The following GABRG3 variants were observed in gnomAD, a reference collection of about 807,000 sequenced individuals.
The protein encoded by GABRG3 is gamma-aminobutyric acid type A receptor subunit gamma3, also known as gamma-aminobutyric acid receptor subunit gamma-3.
In GABRG3, 25 loss-of-function variants were observed where a neutral mutation model predicts 48.8. That is an observed-to-expected ratio of 0.51 (90% confidence interval 0.37 to 0.72). The LOEUF is 0.72. Ranked by LOEUF, GABRG3 falls within the 30% of genes least tolerant of loss-of-function variation. The pLI, the probability that GABRG3 is intolerant of heterozygous loss-of-function variation, is 0.00. For synonymous variants in GABRG3, 227 were observed against 217.6 expected (o/e 1.04, Z -0.38); for missense variants, 394 against 577.9 (o/e 0.68, Z 3.26).
At chr15:27,323,460 A>C (rs907958340) in intron 3 of GABRG3, among the ~76,000 whole-genome samples, 36 of 152,226 alleles carry the variant, frequency 2.4e-4, no homozygotes, top group Admixed American at 2.4e-3. Context: ...TGTTCAAAGA[A>C]AGAAGGGAGT....
chr15:27,516,965 T>A (rs1436557893), intron 6 of GABRG3, among the ~76,000 whole-genome samples: 5 of 152,254 alleles, frequency 3.3e-5, no homozygotes, highest in Admixed American at 2.0e-4. Flanking sequence ...GAAGTCATCT[T>A]CATGGGTCAT....
intron 3 of GABRG3, among the ~76,000 whole-genome samples, chr15:27,169,648 C>G (rs1026177355): frequency 6.6e-6 from 1 of 152,158 alleles, no homozygotes; most frequent in African/African-American, 2.4e-5. Context: ...CTTTAGATAG[C>G]AGCCCTCCCG....
chr15:27,308,827 A>G (rs960139881), intron 3 of GABRG3, among the ~76,000 whole-genome samples: 1 of 150,236 alleles, frequency 6.7e-6, no homozygotes, highest in African/African-American at 2.4e-5. Flanking sequence ...TAGTGTAAAC[A>G]TACGTTTATA....
At chr15:27,187,321 T>C (rs111798187) in intron 3 of GABRG3, among the ~76,000 whole-genome samples, 1 of 152,230 alleles carries the variant, frequency 6.6e-6, no homozygotes, top group African/African-American at 2.4e-5. Context: ...TTTTGGTTAC[T>C]GTAGCCTTGT....
chr15:27,429,250 G>T (rs1566836992), intron 5 of GABRG3, among the ~76,000 whole-genome samples: 1 of 152,160 alleles, frequency 6.6e-6, no homozygotes. Context: ...GGAAGGAAAG[G>T]AGATGCCCTT....
intron 5 of GABRG3, among the ~76,000 whole-genome samples, chr15:27,331,954 T>G (rs565238584): frequency 1.0e-4 from 15 of 146,522 alleles, no homozygotes; most frequent in Admixed American, 2.7e-4. Context: ...ATTATCAAAT[T>G]AAAAAAAAAA....
intron 5 of GABRG3, among the ~76,000 whole-genome samples, chr15:27,357,881 A>C (rs979366811): frequency 6.6e-6 from 1 of 152,228 alleles, no homozygotes; most frequent in Non-Finnish European, 1.5e-5. Flanking sequence ...TACTATTCAT[A>C]TCTTGTTACC....
intron 3 of GABRG3, among the ~76,000 whole-genome samples, chr15:27,094,206 AAGGCCACAGCAGTCAAGCCTTCAG>A (rs1405712438): frequency 6.6e-6 from 1 of 152,106 alleles, no homozygotes; most frequent in Non-Finnish European, 1.5e-5. Context: ...TTTTAGAGTG[AAGGCCACAGCAGTCAAGCCTTCAG>A]AGGCTGCAGG....
intron 3 of GABRG3, among the ~76,000 whole-genome samples, chr15:27,094,941 CT>C (rs1897247401): frequency 6.6e-6 from 1 of 152,078 alleles, no homozygotes; most frequent in Non-Finnish European, 1.5e-5. Flanking sequence ...ATTTTCTAGC[CT>C]GTTTTATACA....
chr15:27,101,955 T>G lies in GABRG3; in HGVS notation c.270+75134T>G, dbSNP rs542103316. 1.2e-4 allele frequency among the ~76,000 whole-genome samples: 18 copies of G among 152,242 alleles called. No homozygotes were observed. In the South Asian group the frequency reaches 3.7e-3, roughly 32 times the overall value. On this transcript the variant is annotated intron_variant, in intron 3 of 9. Coordinates refer to ENST00000615808, the MANE Select transcript of GABRG3 (RefSeq NM_033223.5). Reference sequence around the variant, plus strand: ...GCCATCCTGGGCTGCACGTGGCCTATGGGCCACCAGTTGGACAAGCTTGCC... The same window carrying G: ...GCCATCCTGGGCTGCACGTGGCCTAGGGGCCACCAGTTGGACAAGCTTGCC...
chr15:27,454,769 A>G (rs931581126), intron 5 of GABRG3, among the ~76,000 whole-genome samples: 2 of 152,182 alleles, frequency 1.3e-5, no homozygotes, highest in African/African-American at 2.4e-5. Context: ...CCACATTTGG[A>G]AAAGCGCTCA....
intron 3 of GABRG3, among the ~76,000 whole-genome samples, chr15:27,062,321 G>A (rs1056958134): frequency 6.6e-6 from 1 of 151,682 alleles, no homozygotes; most frequent in Non-Finnish European, 1.5e-5. Context: ...TATCGGCTGG[G>A]TGTGGTGGCT....
intron 6 of GABRG3, among the ~76,000 whole-genome samples, chr15:27,506,388 C>T (rs1308635079): frequency 6.6e-6 from 1 of 152,126 alleles, no homozygotes; most frequent in Non-Finnish European, 1.5e-5. Flanking sequence ...GTTGAGGCAC[C>T]AGAAGAATTG....
At chr15:27,169,320 G>A (rs1478779981) in intron 3 of GABRG3, among the ~76,000 whole-genome samples, 3 of 152,170 alleles carry the variant, frequency 2.0e-5, no homozygotes, top group Non-Finnish European at 4.4e-5. Context: ...ACTTGGGAGT[G>A]GAAGAGCACT....
At chr15:27,441,986 G>C (rs187982918) in intron 5 of GABRG3, among the ~76,000 whole-genome samples, 2 of 152,290 alleles carry the variant, frequency 1.3e-5, no homozygotes, top group East Asian at 3.9e-4. Context: ...TAAAAAAGCA[G>C]TGGTGGGGCT....
At chr15:27,446,729 C>T (rs1384719421) in intron 5 of GABRG3, among the ~76,000 whole-genome samples, 1 of 152,056 alleles carries the variant, frequency 6.6e-6, no homozygotes, top group East Asian at 1.9e-4. Context: ...TTGTTGATCT[C>T]ATTGGACAGG....
At chr15:26,990,194 C>T (rs1243724831) in intron 2 of GABRG3, among the ~76,000 whole-genome samples, 1 of 152,182 alleles carries the variant, frequency 6.6e-6, no homozygotes, top group African/African-American at 2.4e-5. Flanking sequence ...TTTTGAAACA[C>T]TTCCAAAATG....
chr15:27,312,145 GAAT>G (rs1893017972), intron 3 of GABRG3, among the ~76,000 whole-genome samples: 2 of 152,166 alleles, frequency 1.3e-5, no homozygotes. Context: ...TAGAGCTGAA[GAAT>G]AATAACTCAG....
At chr15:27,210,055 G>T (rs1889021564) in intron 3 of GABRG3, among the ~76,000 whole-genome samples, 1 of 152,164 alleles carries the variant, frequency 6.6e-6, no homozygotes. Context: ...TCACTTTGGG[G>T]GTTAGGATTT....
Sources: gnomAD v4.1 joint callset for allele counts (sites outside exome capture counted in the v4.1 genomes callset) on GRCh38, gnomAD v4.1.1 for gene constraint, MANE v1.5 for transcripts, NCBI Gene and HGNC (gene_info 2026-07-23, HGNC 2026-07-21) for gene names.